PCSK5: variants seen among roughly 807,000 people sequenced by gnomAD.
PCSK5 encodes the protein prohormone convertase 5.
A neutral mutation model predicts 233.2 loss-of-function variants in PCSK5; 129 were observed. That is an observed-to-expected ratio of 0.55 (90% confidence interval 0.48 to 0.64). The LOEUF (loss-of-function observed/expected upper bound fraction) is 0.64. PCSK5 is among the 30% of genes least tolerant of loss of function. PCSK5 has a pLI of 0.00. For synonymous variants in PCSK5, 825 were observed against 879.2 expected (o/e 0.94, Z 1.09); for missense variants, 2,076 against 2,430.1 (o/e 0.85, Z 3.06).
chr9:75,979,661 G>C (rs4434679), intron 2 of PCSK5, among the ~76,000 whole-genome samples: 20,321 of 152,258 alleles, frequency 0.13, 1,455 homozygotes, highest in Middle Eastern at 0.19. Context: ...AGTTGTTCTA[G>C]ACGGCTTTTG....
intron 5 of PCSK5, among the ~76,000 whole-genome samples, chr9:76,055,016 G>T (rs983682928): frequency 1.3e-5 from 2 of 151,854 alleles, no homozygotes; most frequent in South Asian, 2.1e-4. Flanking sequence ...TGCCTACAGC[G>T]TGTTATCTGT....
At chr9:75,894,983 T>G (rs1159825969) in intron 1 of PCSK5, among the ~76,000 whole-genome samples, 2 of 152,262 alleles carry the variant, frequency 1.3e-5, no homozygotes, top group East Asian at 3.8e-4. Context: ...ACAGATTGTT[T>G]ACAATGTGCA....
At chr9:76,298,220 T>C (rs1564165384) in intron 27 of PCSK5, among the ~76,000 whole-genome samples, 1 of 152,080 alleles carries the variant, frequency 6.6e-6, no homozygotes. Flanking sequence ...TCCCTTCAAC[T>C]GGACTACGCA....
chr9:76,092,850 A>G (rs190598956), intron 7 of PCSK5, among the ~76,000 whole-genome samples: 1 of 152,310 alleles, frequency 6.6e-6, no homozygotes. Context: ...AACATTAAAA[A>G]ATTATCTCTT....
intron 25 of PCSK5, among the ~76,000 whole-genome samples, chr9:76,294,416 C>T (rs1018881961): frequency 6.6e-6 from 1 of 152,112 alleles, no homozygotes; most frequent in Non-Finnish European, 1.5e-5. Flanking sequence ...TAAGCTACTT[C>T]GCTACTATTG....
chr9:75,911,822 T>A (rs888631028), intron 1 of PCSK5, among the ~76,000 whole-genome samples: 1 of 152,180 alleles, frequency 6.6e-6, no homozygotes, highest in Admixed American at 6.5e-5. Context: ...TCCCAGCAGC[T>A]TGAGAGAGTA....
At chr9:76,062,242 C>T (rs1245328238) in intron 5 of PCSK5, among the ~76,000 whole-genome samples, 4 of 151,036 alleles carry the variant, frequency 2.6e-5, no homozygotes, top group Non-Finnish European at 4.4e-5. Context: ...AGCAAGAGCC[C>T]GTCTCCTAAA....
intron 31 of PCSK5, among the ~76,000 whole-genome samples, chr9:76,321,998 G>A (rs1296395675): frequency 1.3e-5 from 2 of 152,072 alleles, no homozygotes; most frequent in Non-Finnish European, 2.9e-5. Flanking sequence ...TGCCCAGGCT[G>A]GAGTGCAATG....
At chr9:76,294,858 A>C (rs1828387292) in intron 25 of PCSK5, among the ~76,000 whole-genome samples, 1 of 152,144 alleles carries the variant, frequency 6.6e-6, no homozygotes, top group Non-Finnish European at 1.5e-5. Context: ...ACTCCTGTTG[A>C]AAATGCTGCA....
rs1407524346 is a variant in PCSK5 at position 76,359,419 on chromosome 9, A to G, written c.*497A>G. 1 of 161,474 alleles carries G rather than the reference A, an allele frequency of 6.2e-6. No individual in the cohort carries two copies. The highest frequency in any genetic ancestry group is 1.4e-5 in the Non-Finnish European group (1 of 73,158). The allele number at this position is 161,474 out of a possible 1,614,324, so 10.0% of individuals were successfully genotyped here. Reference sequence around the variant, plus strand: ...TCCCTTTAGCTGTCTTTAGGCAGAAATTTGTTTTGTAAGGGCCAAGAAAAG... The same window carrying G: ...TCCCTTTAGCTGTCTTTAGGCAGAAGTTTGTTTTGTAAGGGCCAAGAAAAG... On this transcript the variant is annotated 3_prime_UTR_variant, in exon 38 of 38. Transcript: ENST00000674117.
intron 3 of PCSK5, among the ~76,000 whole-genome samples, chr9:75,988,762 T>A (rs1826635842): frequency 6.6e-6 from 1 of 152,200 alleles, no homozygotes; most frequent in Non-Finnish European, 1.5e-5. Flanking sequence ...GTGTTAAAAT[T>A]GGCCTAGTTT....
At chr9:75,926,237 C>T (rs1220235910) in intron 1 of PCSK5, among the ~76,000 whole-genome samples, 3 of 150,520 alleles carry the variant, frequency 2.0e-5, no homozygotes, top group Non-Finnish European at 2.9e-5. Context: ...TTGAGATCAT[C>T]GGTTATTGAG....
intron 32 of PCSK5, among the ~76,000 whole-genome samples, chr9:76,325,596 G>A (rs1248114812): frequency 2.0e-5 from 3 of 152,178 alleles, no homozygotes; most frequent in African/African-American, 7.2e-5. Context: ...AGTGAGGACA[G>A]AGTTGGAAAC....
intron 3 of PCSK5, among the ~76,000 whole-genome samples, chr9:75,992,374 G>A (rs562534684): frequency 1.3e-5 from 2 of 152,204 alleles, no homozygotes; most frequent in South Asian, 4.1e-4. Context: ...TCAACAGTTG[G>A]GCTATTGCAT....
At chr9:76,066,349 A>G (rs1830286925) in intron 5 of PCSK5, among the ~76,000 whole-genome samples, 1 of 152,048 alleles carries the variant, frequency 6.6e-6, no homozygotes, top group East Asian at 1.9e-4. Context: ...TAATTGTTTC[A>G]GTCTTACAAC....
intron 14 of PCSK5, chr9:76,175,337 G>A (rs1407486725): frequency 1.8e-6 from 1 of 556,812 alleles, no homozygotes; most frequent in Non-Finnish European, 3.1e-6. Context: ...GAATAGAACA[G>A]AACAATCTAC....
chr9:76,160,697 A>G (rs1266020826), intron 12 of PCSK5, among the ~76,000 whole-genome samples: 1 of 152,132 alleles, frequency 6.6e-6, no homozygotes, highest in Non-Finnish European at 1.5e-5. Flanking sequence ...TTCATCTACT[A>G]TAGGACAGTG....
At chr9:76,230,573 A>C (rs1387078443) in intron 21 of PCSK5, among the ~76,000 whole-genome samples, 1 of 152,188 alleles carries the variant, frequency 6.6e-6, no homozygotes, top group Admixed American at 6.5e-5. Flanking sequence ...TTCATGGCCT[A>C]TTAGGAGCTG....
At chr9:75,917,956 AATT>A (rs1823076608) in intron 1 of PCSK5, among the ~76,000 whole-genome samples, 1 of 152,114 alleles carries the variant, frequency 6.6e-6, no homozygotes, top group Admixed American at 6.6e-5. Flanking sequence ...TAATAGTTAC[AATT>A]ATTAGTATGC....
Sources: allele counts gnomAD v4.1 joint callset (sites outside exome capture counted in the v4.1 genomes callset), GRCh38; gene constraint gnomAD v4.1.1; transcripts MANE v1.5; gene names NCBI Gene and HGNC (gene_info 2026-07-23, HGNC 2026-07-21).